The following MCC variants were observed in gnomAD, a reference collection of about 807,000 sequenced individuals.
The protein encoded by MCC is colorectal mutant cancer protein.
MCC carries 90 observed loss-of-function variants against 116.2 expected under a neutral mutation model. The observed-to-expected ratio is 0.77, with a 90% CI of 0.65 to 0.92. The LOEUF is 0.92. MCC is among the 40% of genes least tolerant of loss of function. The probability of loss-of-function intolerance (pLI) is 0.00; values close to 1 mark genes in which losing one functional copy is unlikely to be tolerated. For synonymous variants in MCC, 578 were observed against 510.5 expected (o/e 1.13, Z -1.78); for missense variants, 1,516 against 1,312.2 (o/e 1.16, Z -2.40).
chr5:113,075,629 CCT>C (rs1314331350), intron 11 of MCC, among the ~76,000 whole-genome samples: 1 of 152,144 alleles, frequency 6.6e-6, no homozygotes, highest in African/African-American at 2.4e-5. Flanking sequence ...AGACCAATCA[CCT>C]CTCTGTAAAA....
intron 6 of MCC, among the ~76,000 whole-genome samples, chr5:113,116,306 A>G (rs945847625): frequency 1.3e-5 from 2 of 152,222 alleles, no homozygotes; most frequent in Non-Finnish European, 2.9e-5. Flanking sequence ...AATGTTCACA[A>G]TGATGGCTGG....
intron 3 of MCC, among the ~76,000 whole-genome samples, chr5:113,227,525 T>C (rs1399992028): frequency 2.6e-5 from 4 of 152,344 alleles, no homozygotes; most frequent in East Asian, 1.9e-4. Flanking sequence ...TCCTATCCTA[T>C]AGCTGTGGTG....
At chr5:113,200,877 G>T (rs186794447) in intron 3 of MCC, among the ~76,000 whole-genome samples, 1 of 152,162 alleles carries the variant, frequency 6.6e-6, no homozygotes, top group Non-Finnish European at 1.5e-5. Context: ...AAGGGATTTC[G>T]TTAGGCAAAA....
chr5:113,333,794 T>TATATGTATATATGTAC lies in MCC; in HGVS notation c.627+6724_627+6725insGTACATATATACATAT, dbSNP rs1469700100. 1.3e-4 allele frequency among the ~76,000 whole-genome samples: 12 copies of TATATGTATATATGTAC among 89,806 alleles called. 1 individual carries two copies. Among genetic ancestry groups the TATATGTATATATGTAC allele is most frequent in the African/African-American group, 7.8e-4 (11 of 14,146 alleles). The allele number at this position is 89,806 out of a possible 152,430, so 58.9% of individuals were successfully genotyped here. On this transcript the variant is annotated intron_variant, in intron 3 of 18. Transcript: ENST00000408903. Reference sequence around the variant, plus strand: ...TGTCTTTGCTTCATATATATTTATATATATATGTATATATGTATATATGTA... The same window carrying TATATGTATATATGTAC: ...TGTCTTTGCTTCATATATATTTATATATATGTATATATGTACATATATGTATATATGTATATATGTA...
chr5:113,179,751 G>A (rs1761516793), intron 3 of MCC, among the ~76,000 whole-genome samples: 3 of 152,280 alleles, frequency 2.0e-5, no homozygotes, highest in East Asian at 1.9e-4. Context: ...ATTTTGCAAT[G>A]ATATACCTAG....
Position 113,292,884 on chromosome 5 carries a change from G to A in MCC, c.627+47635C>T, listed in dbSNP as rs150333655. On this transcript the variant is annotated intron_variant, in intron 3 of 18. Coordinates refer to ENST00000408903, the MANE Select transcript of MCC (RefSeq NM_001085377.2). ...CTCCTGAAACAGGGTTAGTGATGGA[G>A]CAGGGCCCTGGGTTCTAGTTCAGAT... Among the ~76,000 whole-genome samples the A allele has an allele frequency of 6.0e-4, 92 of 152,280 alleles. 1 individual carries two copies. The Middle Eastern group carries it at 0.014, about 23-fold the overall frequency.
intron 17 of MCC, among the ~76,000 whole-genome samples, chr5:113,043,011 GA>G (rs1751824852): frequency 6.6e-6 from 1 of 152,164 alleles, no homozygotes; most frequent in Non-Finnish European, 1.5e-5. Flanking sequence ...ATGAAAAGTG[GA>G]GATACGGAAG....
At chr5:113,101,445 T>C (rs2150254696) in intron 8 of MCC, 1 of 375,404 alleles carries the variant, frequency 2.7e-6, no homozygotes, top group Non-Finnish European at 4.8e-6. Flanking sequence ...TAATTGAGCT[T>C]AGAAAAGATG....
intron 3 of MCC, chr5:113,269,192 G>A: frequency 1.0e-6 from 1 of 985,402 alleles, no homozygotes; most frequent in Non-Finnish European, 1.2e-6. Flanking sequence ...ACACCAGCAG[G>A]CAAGTTCCCT....
At chr5:113,037,623 G>C (rs1333172291) in intron 17 of MCC, among the ~76,000 whole-genome samples, 1 of 152,158 alleles carries the variant, frequency 6.6e-6, no homozygotes, top group African/African-American at 2.4e-5. Flanking sequence ...AGCCTGGGGA[G>C]GTTGAGTCTG....
At chr5:113,135,372 G>A (rs1193711208) in intron 5 of MCC, among the ~76,000 whole-genome samples, 5 of 135,130 alleles carry the variant, frequency 3.7e-5, no homozygotes, top group African/African-American at 1.4e-4. Flanking sequence ...GGCTAACGTG[G>A]TGAAACACCG....
chr5:113,221,433 C>G (rs1763548468), intron 3 of MCC, among the ~76,000 whole-genome samples: 2 of 152,214 alleles, frequency 1.3e-5, no homozygotes, highest in Non-Finnish European at 2.9e-5. Flanking sequence ...AAGATGATAA[C>G]AGCCCTTTCC....
chr5:113,332,209 C>A (rs757154799), intron 3 of MCC, among the ~76,000 whole-genome samples: 9 of 151,294 alleles, frequency 5.9e-5, no homozygotes, highest in Non-Finnish European at 8.8e-5. Flanking sequence ...GAGACAATGT[C>A]TTGCTATGTT....
chr5:113,399,055 G>T (rs561099397), intron 1 of MCC, among the ~76,000 whole-genome samples: 187 of 152,234 alleles, frequency 1.2e-3, no homozygotes, highest in African/African-American at 4.3e-3. Context: ...ATGCTCAGGA[G>T]CCACACTGGA....
chr5:113,207,564 C>A (rs550511573), intron 3 of MCC, among the ~76,000 whole-genome samples: 4 of 152,266 alleles, frequency 2.6e-5, no homozygotes, highest in African/African-American at 9.6e-5. Flanking sequence ...TTCTTTTGTT[C>A]TTTTCATCTG....
At chr5:113,392,831 A>G (rs1419365066) in intron 1 of MCC, among the ~76,000 whole-genome samples, 2 of 152,192 alleles carry the variant, frequency 1.3e-5, no homozygotes, top group African/African-American at 4.8e-5. Context: ...CAGAGATGTT[A>G]AATAACTAGT....
chr5:113,064,188 C>T (rs751821160), intron 13 of MCC, 21 bp from the exon 14 acceptor site: 10 of 1,594,464 alleles, frequency 6.3e-6, no homozygotes, highest in African/African-American at 2.7e-5. Context: ...GAGAAGCCAA[C>T]GGATTAATCA....
At chr5:113,376,574 T>TATACACACACACAC (rs10633405) in intron 2 of MCC, among the ~76,000 whole-genome samples, 1,560 of 145,834 alleles carry the variant, frequency 0.011, 42 homozygotes, top group African/African-American at 0.038. Context: ...CCATATTTTA[T>TATACACACACACAC]ACACACACAC....
intron 3 of MCC, among the ~76,000 whole-genome samples, chr5:113,170,700 C>G (rs1761029534): frequency 6.6e-6 from 1 of 152,150 alleles, no homozygotes. Context: ...CTCTAACATA[C>G]TTTATTATGT....
Sources: gnomAD v4.1 joint callset for allele counts (sites outside exome capture counted in the v4.1 genomes callset) on GRCh38, gnomAD v4.1.1 for gene constraint, MANE v1.5 for transcripts, NCBI Gene and HGNC (gene_info 2026-07-23, HGNC 2026-07-21) for gene names.